RBM19: variants seen among roughly 807,000 people sequenced by gnomAD.
RBM19 encodes probable RNA-binding protein 19.
RBM19 carries 94 observed loss-of-function variants against 116.8 expected under a neutral mutation model. The observed-to-expected ratio is 0.80, with a 90% CI of 0.68 to 0.95. The LOEUF (loss-of-function observed/expected upper bound fraction) is 0.95. RBM19 is among the 40% of genes least tolerant of loss of function. RBM19 has a pLI of 0.00. For missense variants in RBM19, 1,161 were observed against 1,220.7 expected (o/e 0.95, Z 0.73); for synonymous variants, 475 against 494.1 (o/e 0.96, Z 0.51).
chr12:113,966,320 C>A lies in RBM19; in HGVS notation c.-93G>T. ...CCGCCCTGGGCGCCGCCATCTTTAC[C>A]GAGCCGGAACACAGTCACGTGGCTG... On this transcript the variant is annotated 5_prime_UTR_variant, in exon 1 of 24. Transcript: ENST00000261741. The A allele has an allele frequency of 2.0e-6, 3 of 1,516,818 alleles. No homozygotes were observed. Among genetic ancestry groups the A allele is most frequent in the Non-Finnish European group, 2.7e-6 (3 of 1,092,884 alleles). 94.0% of individuals were successfully genotyped at this position (1,516,818 alleles called of 1,614,324 possible).
chr12:113,847,199 A>G (rs1165266416), intron 22 of RBM19, among the ~76,000 whole-genome samples: 3 of 152,220 alleles, frequency 2.0e-5, no homozygotes, highest in African/African-American at 7.2e-5. Flanking sequence ...CATTCAATAA[A>G]CAAATGAATC....
chr12:113,962,031 G>A (rs1872537612), intron 2 of RBM19, among the ~76,000 whole-genome samples: 1 of 152,250 alleles, frequency 6.6e-6, no homozygotes, highest in Admixed American at 6.5e-5. Flanking sequence ...TGAATCAGAT[G>A]CTCTGGGGAC....
At chr12:113,924,609 C>T in intron 18 of RBM19, 88 bp downstream of exon 18, 4 of 1,207,310 alleles carry the variant, frequency 3.3e-6, no homozygotes, top group South Asian at 2.4e-5. Context: ...GAGAACTACC[C>T]CAACCCCTTG....
intron 18 of RBM19, among the ~76,000 whole-genome samples, chr12:113,923,872 AT>A (rs1406031299): frequency 6.6e-6 from 1 of 152,336 alleles, no homozygotes; most frequent in East Asian, 1.9e-4. Context: ...TCAGTCTTAT[AT>A]AACTAACACC....
chr12:113,946,555 G>A, intron 11 of RBM19, 80 bp from the exon 12 acceptor site: 1 of 1,590,194 alleles, frequency 6.3e-7, no homozygotes, highest in Non-Finnish European at 8.6e-7. Flanking sequence ...GTTGGCTTCT[G>A]CCACGAGTAA....
chr12:113,933,914 T>C (rs1270417600), intron 16 of RBM19, among the ~76,000 whole-genome samples: 2 of 152,178 alleles, frequency 1.3e-5, no homozygotes, highest in Non-Finnish European at 2.9e-5. Flanking sequence ...CTGGTGCCCA[T>C]GGTGAGTTAA....
intron 21 of RBM19, among the ~76,000 whole-genome samples, chr12:113,897,572 G>A (rs1322966711): frequency 6.6e-6 from 1 of 152,254 alleles, no homozygotes; most frequent in Non-Finnish European, 1.5e-5. Flanking sequence ...GGCTACTCGG[G>A]AGGCTGAGGT....
At chr12:113,861,509 T>C (rs1878376867) in intron 21 of RBM19, among the ~76,000 whole-genome samples, 1 of 143,166 alleles carries the variant, frequency 7.0e-6, no homozygotes, top group African/African-American at 2.6e-5. Flanking sequence ...TGTGTGTGTG[T>C]GTGTGAAGGA....
At chr12:113,959,072 C>A in intron 5 of RBM19, 140 bp downstream of exon 5, 1 of 804,980 alleles carries the variant, frequency 1.2e-6, no homozygotes. Flanking sequence ...GATGCACCTG[C>A]AGAGGGATCA....
rs148808322 is a variant in RBM19, at chr12:113,946,404, C to A, written c.1479G>T (p.Ser493=). 6.2e-7 allele frequency: 1 copy of A among 1,614,100 alleles called. No homozygotes were observed. Among genetic ancestry groups the A allele is most frequent in the African/African-American group, 1.3e-5 (1 of 75,022 alleles). The change falls in exon 12 of 24, where the codon TCG becomes TCT. Residue 493 remains serine (S), a synonymous_variant. Coordinates refer to ENST00000261741, the MANE Select transcript of RBM19 (RefSeq NM_016196.4). The part of the protein sequence containing the change: ...EASEDASALG[S]SSYKKKKEAQ... ...CCTCCTTCTTCTTCTTGTAGGACGA[C>A]GATCCCAGGGCACTGGCATCCTCGC...
Position 113,947,376 on chromosome 12 carries a change from G to C in RBM19, c.1365C>G (p.His455Gln), listed in dbSNP as rs757696133. Reference sequence around the variant, plus strand: ...CCACCTCCGAGTAGGCCTTCACAGCGTGCTCAGGGAACATGAAGGTGATGA... The same window carrying C: ...CCACCTCCGAGTAGGCCTTCACAGCCTGCTCAGGGAACATGAAGGTGATGA... ...FAFITFMFPEHAVKAYSEVDG... is the reference protein window; with the variant it reads ...FAFITFMFPEQAVKAYSEVDG... The change falls in exon 11 of 24, where the codon CAC becomes CAG. Residue 455 changes from histidine (H) to glutamine (Q), a missense_variant. Physicochemically the swap from His to Gln is conservative, Grantham distance 24 (BLOSUM62 0). Transcript: ENST00000261741. 1 of 1,609,662 alleles carries C rather than the reference G, an allele frequency of 6.2e-7. No homozygotes were observed.
intron 1 of RBM19, among the ~76,000 whole-genome samples, chr12:113,964,087 C>T (rs1872693112): frequency 6.6e-6 from 1 of 152,210 alleles, no homozygotes; most frequent in African/African-American, 2.4e-5. Flanking sequence ...GCCTGCAAGT[C>T]CCATTAAAAA....
At chr12:113,824,510 G>A (rs951006329) in intron 23 of RBM19, among the ~76,000 whole-genome samples, 7 of 152,116 alleles carry the variant, frequency 4.6e-5, no homozygotes, top group African/African-American at 1.7e-4. Flanking sequence ...TACAGAGGCA[G>A]TGTAAAGAGG....
intron 21 of RBM19, among the ~76,000 whole-genome samples, chr12:113,869,683 C>T (rs186147698): frequency 3.3e-5 from 5 of 151,406 alleles, no homozygotes; most frequent in Admixed American, 6.6e-5. Context: ...CCTCAGTACA[C>T]GAAATGTGAA....
At position 113,822,154 on chromosome 12, in the gene RBM19, A is replaced by C. The variant is rs1466566126; in HGVS notation, c.*1070T>G. 1 of 152,226 alleles carries C rather than the reference A, an allele frequency of 6.6e-6. No individual in the cohort carries two copies. The highest frequency in any genetic ancestry group is 1.5e-5 in the Non-Finnish European group (1 of 68,062). The allele number at this position is 152,226 out of a possible 1,614,324, so 9.4% of individuals were successfully genotyped here. A position where few individuals can be genotyped will look rare whatever the true frequency, so the allele number is the denominator to read the frequency against. Reference sequence around the variant, plus strand: ...CAATTATCACCCCCATTTCCTAGAGAGAAAAACAGAGGCTCAGCCAGGATG... The same window carrying C: ...CAATTATCACCCCCATTTCCTAGAGCGAAAAACAGAGGCTCAGCCAGGATG... On this transcript the variant is annotated 3_prime_UTR_variant, in exon 24 of 24. Coordinates refer to ENST00000261741, the MANE Select transcript of RBM19 (RefSeq NM_016196.4).
chr12:113,929,162 G>A (rs1289963177), intron 16 of RBM19, among the ~76,000 whole-genome samples: 2 of 152,258 alleles, frequency 1.3e-5, no homozygotes, highest in South Asian at 4.1e-4. Context: ...GATGTAAGGG[G>A]GCTTCTTGGG....
intron 23 of RBM19, among the ~76,000 whole-genome samples, chr12:113,824,496 T>C (rs1430101393): frequency 1.3e-5 from 2 of 152,092 alleles, no homozygotes; most frequent in African/African-American, 4.8e-5. Context: ...TAAGGCTTGA[T>C]TTGTACAGAG....
downstream of RBM19, among the ~76,000 whole-genome samples, chr12:113,818,567 A>T (rs1293615360): frequency 2.4e-5 from 3 of 124,544 alleles, no homozygotes; most frequent in Non-Finnish European, 5.0e-5. Flanking sequence ...TATGTTCACA[A>T]TAATGATGGC....
At chr12:113,956,167 G>A (rs1018106410) in intron 6 of RBM19, among the ~76,000 whole-genome samples, 3 of 152,014 alleles carry the variant, frequency 2.0e-5, no homozygotes, top group Admixed American at 6.6e-5. Context: ...ATACAATTTT[G>A]GGGGGGAAGA....
Sources: gnomAD v4.1 joint callset for allele counts (sites outside exome capture counted in the v4.1 genomes callset) on GRCh38, gnomAD v4.1.1 for gene constraint, MANE v1.5 for transcripts, NCBI Gene and HGNC (gene_info 2026-07-23, HGNC 2026-07-21) for gene names.